The following MYT1L variants were observed in gnomAD, a reference collection of about 807,000 sequenced individuals.
MYT1L encodes myelin transcription factor 1-like protein.
MYT1L carries 12 observed loss-of-function variants against 126.7 expected under a neutral mutation model. The ratio of observed to expected loss-of-function variants is 0.09; its 90% CI spans 0.06 to 0.15. The LOEUF (loss-of-function observed/expected upper bound fraction) is 0.15, where lower values mean the gene tolerates loss of function less well. MYT1L is among the 10% of genes least tolerant of loss of function. The pLI is 1.00. For synonymous variants in MYT1L, 541 were observed against 604.2 expected (o/e 0.90, Z 1.53); for missense variants, 979 against 1,585.2 (o/e 0.62, Z 6.49).
chr2:2,297,499 T>C (rs2095713044), intron 1 of MYT1L, among the ~76,000 whole-genome samples: 1 of 152,150 alleles, frequency 6.6e-6, no homozygotes, highest in Non-Finnish European at 1.5e-5. Flanking sequence ...ACCAAATACA[T>C]GCTTTTCTGC....
intron 22 of MYT1L, among the ~76,000 whole-genome samples, chr2:1,808,352 G>T (rs945446429): frequency 6.6e-6 from 1 of 152,200 alleles, no homozygotes; most frequent in African/African-American, 2.4e-5. Context: ...ACAGCCCCCT[G>T]CCCTTAGGAA....
chr2:2,206,095 GC>G (rs1338613069), intron 2 of MYT1L, among the ~76,000 whole-genome samples: 1 of 151,502 alleles, frequency 6.6e-6, no homozygotes, highest in Non-Finnish European at 1.5e-5. Context: ...CAATTCTCCT[GC>G]CTCAGCCTCC....
intron 4 of MYT1L, among the ~76,000 whole-genome samples, chr2:2,043,810 A>G (rs1189566012): frequency 2.0e-5 from 3 of 152,240 alleles, no homozygotes; most frequent in Admixed American, 6.5e-5. Flanking sequence ...TGGTACATAA[A>G]AACTTCTCAA....
chr2:2,309,518 A>T (rs1246458906), intron 1 of MYT1L, among the ~76,000 whole-genome samples: 1 of 151,642 alleles, frequency 6.6e-6, no homozygotes, highest in African/African-American at 2.4e-5. Flanking sequence ...CACTCTACTC[A>T]TACTCCACTT....
In MYT1L at chr2:1,848,306, CTGGGAG is replaced by C. The variant is rs1396671150; in HGVS notation, c.2774+3329_2774+3334del. On this transcript the variant is annotated intron_variant, in intron 19 of 24. Transcript: ENST00000647738. The surrounding 1 kb of genome is among the most constrained non-coding windows in gnomAD (Gnocchi z 4.8). ...ACCACGGAAGCGCGAGGCATTTGTC[CTGGGAG>C]CAGGAGGAAGAATTCCAGACACCAC... Among the ~76,000 whole-genome samples the C allele has an allele frequency of 1.5e-4, 8 of 51,632 alleles. No homozygotes were observed. The East Asian group carries it at 4.7e-3, about 31-fold the overall frequency. 33.9% of individuals were successfully genotyped at this position (51,632 alleles called of 152,430 possible). A position where few individuals can be genotyped will look rare whatever the true frequency, so the allele number is the denominator to read the frequency against.
intron 21 of MYT1L, among the ~76,000 whole-genome samples, chr2:1,809,530 AT>A (rs776816249): frequency 6.6e-6 from 1 of 152,148 alleles, no homozygotes; most frequent in Non-Finnish European, 1.5e-5. Flanking sequence ...AAAAATCTTT[AT>A]TATGGAAAGC....
chr2:1,965,699 C>G (rs1475183455), intron 8 of MYT1L, among the ~76,000 whole-genome samples: 1 of 152,236 alleles, frequency 6.6e-6, no homozygotes, highest in East Asian at 1.9e-4. Context: ...ATGAAGGCCC[C>G]GCCATCATCC....
chr2:2,272,262 G>A (rs2095278889), intron 2 of MYT1L, among the ~76,000 whole-genome samples: 1 of 152,098 alleles, frequency 6.6e-6, no homozygotes, highest in South Asian at 2.1e-4. Flanking sequence ...AACACTGCTG[G>A]GTTCCAGCCC....
At chr2:2,111,440 T>C (rs970661304) in intron 3 of MYT1L, among the ~76,000 whole-genome samples, 23 of 152,106 alleles carry the variant, frequency 1.5e-4, no homozygotes, top group African/African-American at 4.8e-4. Flanking sequence ...GCAAACCCGA[T>C]GAATTCGAAG....
At chr2:1,992,538 TG>T (rs1338184644) in intron 5 of MYT1L, among the ~76,000 whole-genome samples, 1 of 152,200 alleles carries the variant, frequency 6.6e-6, no homozygotes, top group East Asian at 1.9e-4. Context: ...GGTTCTCTGC[TG>T]ATTACCCCAA....
At chr2:1,972,054 G>A (rs1280249762) in intron 8 of MYT1L, among the ~76,000 whole-genome samples, 1 of 152,196 alleles carries the variant, frequency 6.6e-6, no homozygotes. Flanking sequence ...GGGAGGGTGT[G>A]GGGGTGAGGC....
Position 1,945,216 on chromosome 2 carries a change from A to G in MYT1L, c.153-1882T>C, listed in dbSNP as rs1280930386. Among the ~76,000 whole-genome samples the G allele has an allele frequency of 3.9e-5, 6 of 152,286 alleles. 1 individual carries two copies. The South Asian group carries it at 1.2e-3, about 32-fold the overall frequency. The stretch of plus-strand genomic sequence containing the variant: ...ATGGGACTCTGGATTTTGACCCAGG[A>G]AACAGGGAGTGATACGAGTTCTTTC... On this transcript the variant is annotated intron_variant, in intron 8 of 24. Transcript: ENST00000647738.
chr2:2,315,447 A>G lies in MYT1L; in HGVS notation c.-521+15520T>C, dbSNP rs2096049935. ...TATCCTAGATAGCCTGAACTCTTTA[A>G]TGAATATGTTTACTTATTTTATGAT... is the stretch of plus-strand genomic sequence containing the variant. On this transcript the variant is annotated intron_variant, in intron 1 of 24. Coordinates refer to ENST00000647738, the MANE Select transcript of MYT1L (RefSeq NM_001303052.2). Among the ~76,000 whole-genome samples, 3 of 152,166 alleles carry G rather than the reference A, an allele frequency of 2.0e-5. No homozygotes were observed. The South Asian group carries it at 6.2e-4, about 32-fold the overall frequency.
intron 8 of MYT1L, among the ~76,000 whole-genome samples, chr2:1,956,406 C>A (rs2058404753): frequency 9.8e-6 from 1 of 101,560 alleles, no homozygotes; most frequent in Non-Finnish European, 2.0e-5. Context: ...ATCTGTCTGT[C>A]TATCTATCTA....
chr2:2,272,608 C>T (rs957790955), intron 2 of MYT1L, among the ~76,000 whole-genome samples: 2 of 152,206 alleles, frequency 1.3e-5, no homozygotes, highest in Non-Finnish European at 2.9e-5. Context: ...ACTCCTTCAA[C>T]AATATCATCT....
chr2:1,886,631 A>T (rs1177059572), intron 17 of MYT1L, 24 bp from the exon 18 acceptor site: 2 of 1,501,776 alleles, frequency 1.3e-6, no homozygotes, highest in Non-Finnish European at 1.8e-6. Flanking sequence ...CGGGACAGGC[A>T]GGTCAGTCAA....
At chr2:1,913,746 G>A (rs2052405536) in intron 11 of MYT1L, among the ~76,000 whole-genome samples, 1 of 152,108 alleles carries the variant, frequency 6.6e-6, no homozygotes. Context: ...CAGATGGCAA[G>A]TGCACTTTAC....
At chr2:1,952,714 CCCT>C (rs1218055888) in intron 8 of MYT1L, among the ~76,000 whole-genome samples, 2 of 40,100 alleles carry the variant, frequency 5.0e-5, no homozygotes, top group Non-Finnish European at 1.1e-4. Context: ...TCCTTCCCTT[CCCT>C]CCTTCCTTCC....
chr2:2,080,171 A>ATGTAGAAGTT (rs1221533003), intron 3 of MYT1L, among the ~76,000 whole-genome samples: 4 of 152,252 alleles, frequency 2.6e-5, no homozygotes, highest in Non-Finnish European at 5.9e-5. Flanking sequence ...ACATGGACGC[A>ATGTAGAAGTT]AAATGTATCA....
Sources: gnomAD v4.1 joint callset for allele counts (sites outside exome capture counted in the v4.1 genomes callset) on GRCh38, gnomAD v4.1.1 for gene constraint, Gnocchi (gnomAD v3.1) non-coding constraint, MANE v1.5 for transcripts, NCBI Gene and HGNC (gene_info 2026-07-23, HGNC 2026-07-21) for gene names.